Variants in EPHA3 observed in about 807,000 individuals in gnomAD.
EPHA3 encodes EPH receptor A3.
Under a neutral mutation model 107.1 loss-of-function variants are expected in EPHA3, and 42 were observed. The ratio of observed to expected loss-of-function variants is 0.39; its 90% CI spans 0.31 to 0.51. The LOEUF is 0.51. Ranked by LOEUF, EPHA3 falls within the 20% of genes least tolerant of loss-of-function variation. The probability of loss-of-function intolerance (pLI) is 0.78; values close to 1 mark genes in which losing one functional copy is unlikely to be tolerated. For missense variants in EPHA3, 1,183 were observed against 1,211.2 expected (o/e 0.98, Z 0.35); for synonymous variants, 461 against 424.8 (o/e 1.09, Z -1.05).
chr3:89,196,692 A>C lies in EPHA3; in HGVS notation c.154-13168A>C, dbSNP rs543708518. Among the ~76,000 whole-genome samples the C allele has an allele frequency of 7.9e-5, 12 of 152,238 alleles. 1 individual carries two copies. The highest frequency in any genetic ancestry group is 4.1e-4 in the South Asian group (2 of 4,822). ...TTCACTAGTCATAGTAGTCAAAATT[A>C]TACATTTTGACATAGTAGTCAAAAT... On this transcript the variant is annotated intron_variant, in intron 2 of 16. Coordinates refer to ENST00000336596, the MANE Select transcript of EPHA3 (RefSeq NM_005233.6).
chr3:89,250,396 C>T (rs964375288), intron 3 of EPHA3, among the ~76,000 whole-genome samples: 2 of 152,134 alleles, frequency 1.3e-5, no homozygotes, highest in Non-Finnish European at 2.9e-5. Context: ...TATCATGTAA[C>T]ATCAAGGTAT....
intron 9 of EPHA3, 41 bp from the exon 10 acceptor site, chr3:89,413,100 A>C: frequency 1.9e-6 from 3 of 1,608,124 alleles, no homozygotes; most frequent in Non-Finnish European, 2.5e-6. Context: ...TGTTTGTACA[A>C]ATCTAGCTAC....
chr3:89,393,820 T>C (rs1708792351), intron 5 of EPHA3, among the ~76,000 whole-genome samples: 1 of 152,204 alleles, frequency 6.6e-6, no homozygotes. Flanking sequence ...TTATTTATAA[T>C]TCAGCAATAC....
intron 12 of EPHA3, among the ~76,000 whole-genome samples, chr3:89,430,336 T>G (rs1709542463): frequency 6.6e-6 from 1 of 152,128 alleles, no homozygotes; most frequent in Admixed American, 6.6e-5. Context: ...TTAAATTTTC[T>G]AAGACTGAGA....
chr3:89,139,870 G>T lies in EPHA3; in HGVS notation c.153+12597G>T, dbSNP rs148907913. ...AAGATTGTGTAGTTTAATATTATCAGATTATACTTTATAGAATTTCAAGAC... is the reference window on the plus strand; with the variant it reads ...AAGATTGTGTAGTTTAATATTATCATATTATACTTTATAGAATTTCAAGAC... On this transcript the variant is annotated intron_variant, in intron 2 of 16. Coordinates refer to ENST00000336596, the MANE Select transcript of EPHA3 (RefSeq NM_005233.6). 3.6e-3 allele frequency among the ~76,000 whole-genome samples: 542 copies of T among 151,778 alleles called. 2 individuals are homozygous for T. The highest frequency in any genetic ancestry group is 5.1e-3 in the Admixed American group (78 of 15,174).
intron 3 of EPHA3, among the ~76,000 whole-genome samples, chr3:89,249,444 A>AT (rs1341369397): frequency 6.6e-6 from 1 of 151,946 alleles, no homozygotes; most frequent in Non-Finnish European, 1.5e-5. Context: ...GTTTAGATTT[A>AT]TTTTTTATTT....
chr3:89,170,172 C>G (rs995910338), intron 2 of EPHA3, among the ~76,000 whole-genome samples: 4 of 150,914 alleles, frequency 2.7e-5, no homozygotes, highest in African/African-American at 9.8e-5. Flanking sequence ...AGGAGAATGG[C>G]GAGAGCCCGG....
At chr3:89,192,188 A>G (rs1409381077) in intron 2 of EPHA3, among the ~76,000 whole-genome samples, 1 of 152,184 alleles carries the variant, frequency 6.6e-6, no homozygotes, top group African/African-American at 2.4e-5. Context: ...AGGATTTGGC[A>G]AACCCAGTGA....
chr3:89,278,827 G>A (rs940811016), intron 3 of EPHA3, among the ~76,000 whole-genome samples: 13 of 152,116 alleles, frequency 8.5e-5, no homozygotes, highest in African/African-American at 2.7e-4. Flanking sequence ...TAAAATGAGT[G>A]CAAATTAACT....
rs184260752 is a variant in EPHA3 at position 89,164,238 on chromosome 3, C to T, written c.153+36965C>T. Among the ~76,000 whole-genome samples the T allele has an allele frequency of 2.0e-5, 3 of 152,276 alleles. No homozygotes were observed. In the East Asian group the frequency reaches 5.8e-4, roughly 29 times the overall value. On this transcript the variant is annotated intron_variant, in intron 2 of 16. Transcript: ENST00000336596. ...TTGTCTTTGCGCCACATATAAAATA[C>T]ACTGACACTAACAATAGCTAATGAG...
chr3:89,435,165 T>A (rs972153479), intron 13 of EPHA3, among the ~76,000 whole-genome samples: 6 of 151,942 alleles, frequency 3.9e-5, no homozygotes, highest in African/African-American at 1.5e-4. Context: ...ATATACTTAC[T>A]CCAGGAATGC....
At chr3:89,259,116 T>G (rs917144839) in intron 3 of EPHA3, among the ~76,000 whole-genome samples, 1 of 152,228 alleles carries the variant, frequency 6.6e-6, no homozygotes, top group Non-Finnish European at 1.5e-5. Flanking sequence ...TTACAAATTC[T>G]GTAGTCTAAA....
intron 3 of EPHA3, among the ~76,000 whole-genome samples, chr3:89,308,380 C>T (rs1672650237): frequency 6.6e-6 from 1 of 151,996 alleles, no homozygotes; most frequent in Non-Finnish European, 1.5e-5. Context: ...TCAACTGGGA[C>T]CATCAGAGAT....
At chr3:89,401,459 C>T (rs186455572) in intron 7 of EPHA3, among the ~76,000 whole-genome samples, 2 of 152,162 alleles carry the variant, frequency 1.3e-5, no homozygotes, top group Non-Finnish European at 2.9e-5. Context: ...CAAGTGCCAA[C>T]AAGGTTTAAA....
chr3:89,144,863 G>C (rs1704502283), intron 2 of EPHA3, among the ~76,000 whole-genome samples: 1 of 151,528 alleles, frequency 6.6e-6, no homozygotes, highest in Admixed American at 6.6e-5. Context: ...GTCCAGAATA[G>C]GCATAATTTA....
At chr3:89,349,844 T>G (rs988315903) in intron 5 of EPHA3, among the ~76,000 whole-genome samples, 1 of 147,876 alleles carries the variant, frequency 6.8e-6, no homozygotes, top group African/African-American at 2.5e-5. Context: ...TTTGCTTGTC[T>G]GTAAAGTATT....
At chr3:89,429,953 G>C (rs1336690692) in intron 12 of EPHA3, among the ~76,000 whole-genome samples, 1 of 151,942 alleles carries the variant, frequency 6.6e-6, no homozygotes, top group Non-Finnish European at 1.5e-5. Flanking sequence ...TAGTAGAGGT[G>C]GTGTTTCACC....
intron 11 of EPHA3, among the ~76,000 whole-genome samples, chr3:89,423,067 C>T (rs1175372930): frequency 6.6e-6 from 1 of 151,416 alleles, no homozygotes; most frequent in Non-Finnish European, 1.5e-5. Context: ...CACCATTAGT[C>T]AAATAATGTT....
chr3:89,392,054 G>C (rs1708754494), intron 5 of EPHA3, among the ~76,000 whole-genome samples: 1 of 152,078 alleles, frequency 6.6e-6, no homozygotes, highest in East Asian at 1.9e-4. Context: ...GCCTGCACCA[G>C]TTTCTCAGCA....
Sources: allele counts gnomAD v4.1 joint callset (sites outside exome capture counted in the v4.1 genomes callset), GRCh38; gene constraint gnomAD v4.1.1; transcripts MANE v1.5; gene names NCBI Gene and HGNC (gene_info 2026-07-23, HGNC 2026-07-21).